RALYL: variants seen among roughly 807,000 people sequenced by gnomAD.
RALYL encodes the protein RNA-binding Raly-like protein.
Under a neutral mutation model 35.1 loss-of-function variants are expected in RALYL, and 29 were observed. The observed-to-expected ratio is 0.83, with a 90% CI of 0.61 to 1.13. The LOEUF (loss-of-function observed/expected upper bound fraction) is 1.13, where lower values mean the gene tolerates loss of function less well. RALYL is among the 50% of genes most tolerant of loss of function. The pLI is 0.00. For missense variants in RALYL, 359 were observed against 360.4 expected, an observed-to-expected ratio of 1.00 and a Z score of 0.03; for synonymous variants, 120 against 127.6, an observed-to-expected ratio of 0.94 and a Z score of 0.40.
chr8:84,723,247 A>G (rs755029450), intron 2 of RALYL, among the ~76,000 whole-genome samples: 1 of 152,000 alleles, frequency 6.6e-6, no homozygotes, highest in Middle Eastern at 3.2e-3. Flanking sequence ...CTGTGAGAAG[A>G]ATTAGTAGGA....
chr8:84,454,076 G>C (rs2049845445), intron 1 of RALYL, among the ~76,000 whole-genome samples: 1 of 151,952 alleles, frequency 6.6e-6, no homozygotes, highest in East Asian at 1.9e-4. Context: ...ATGCATCTTT[G>C]GTATCAAGTC....
At chr8:84,715,735 T>C (rs927207133) in intron 2 of RALYL, among the ~76,000 whole-genome samples, 1 of 152,118 alleles carries the variant, frequency 6.6e-6, no homozygotes, top group African/African-American at 2.4e-5. Context: ...CTAAGTTGTT[T>C]GGCATAACCT....
intron 1 of RALYL, among the ~76,000 whole-genome samples, chr8:84,431,858 G>A (rs1049268993): frequency 6.6e-6 from 1 of 152,110 alleles, no homozygotes; most frequent in Non-Finnish European, 1.5e-5. Flanking sequence ...ACATGGTAGT[G>A]CAGAGATCTC....
At chr8:84,787,909 T>C (rs1231025822) in intron 3 of RALYL, among the ~76,000 whole-genome samples, 1 of 152,238 alleles carries the variant, frequency 6.6e-6, no homozygotes, top group Non-Finnish European at 1.5e-5. Context: ...TTGTAGATTC[T>C]GGATATTAGC....
At chr8:84,806,405 A>C (rs955749997) in intron 4 of RALYL, among the ~76,000 whole-genome samples, 2 of 152,156 alleles carry the variant, frequency 1.3e-5, no homozygotes, top group African/African-American at 4.8e-5. Context: ...GCCTCACTTC[A>C]TGTAGTTTCT....
At chr8:84,738,883 A>AT (rs1847799641) in intron 2 of RALYL, among the ~76,000 whole-genome samples, 1 of 152,034 alleles carries the variant, frequency 6.6e-6, no homozygotes, top group Non-Finnish European at 1.5e-5. Flanking sequence ...AATATCAATT[A>AT]TTTTATCAAC....
intron 2 of RALYL, among the ~76,000 whole-genome samples, chr8:84,559,096 A>AT (rs1025490006): frequency 7.3e-5 from 11 of 151,576 alleles, no homozygotes; most frequent in South Asian, 2.1e-4. Flanking sequence ...TTCCTCTAAC[A>AT]TTTTTTTTAA....
chr8:84,569,030 G>T (rs1807226644), intron 2 of RALYL, among the ~76,000 whole-genome samples: 1 of 148,996 alleles, frequency 6.7e-6, no homozygotes, highest in Admixed American at 6.7e-5. Flanking sequence ...TTCTTTTGCT[G>T]TGCAGAAGCT....
chr8:84,917,660 A>G (rs949830918), intron 8 of RALYL, among the ~76,000 whole-genome samples: 4 of 151,438 alleles, frequency 2.6e-5, no homozygotes, highest in Non-Finnish European at 5.9e-5. Flanking sequence ...CCATCAACTC[A>G]GGAATAGAGA....
chr8:84,347,064 G>A (rs1004301291), intron 1 of RALYL, among the ~76,000 whole-genome samples: 2 of 151,998 alleles, frequency 1.3e-5, no homozygotes, highest in Admixed American at 1.3e-4. Flanking sequence ...AGCCAGGCTT[G>A]GTAACAGGTG....
At chr8:84,766,321 T>C (rs1359860251) in intron 2 of RALYL, among the ~76,000 whole-genome samples, 1 of 152,048 alleles carries the variant, frequency 6.6e-6, no homozygotes, top group Non-Finnish European at 1.5e-5. Context: ...ATCTGTTAAG[T>C]GTAAATAGCC....
At chr8:84,351,450 G>A (rs1375938468) in intron 1 of RALYL, among the ~76,000 whole-genome samples, 2 of 149,292 alleles carry the variant, frequency 1.3e-5, no homozygotes, top group Non-Finnish European at 3.0e-5. Context: ...GAATCCTGTG[G>A]TACAGAGGGA....
chr8:84,306,543 A>C (rs1156841675), intron 1 of RALYL, among the ~76,000 whole-genome samples: 4 of 152,092 alleles, frequency 2.6e-5, no homozygotes, highest in African/African-American at 9.7e-5. Flanking sequence ...CCTCACTTCA[A>C]CTTCAGGAAA....
intron 1 of RALYL, among the ~76,000 whole-genome samples, chr8:84,215,660 A>C (rs1051624323): frequency 6.6e-6 from 1 of 152,044 alleles, no homozygotes; most frequent in African/African-American, 2.4e-5. Context: ...TCATATTAAC[A>C]GTAGCTTGTT....
intron 1 of RALYL, among the ~76,000 whole-genome samples, chr8:84,201,796 A>G (rs57697728): frequency 0.33 from 50,252 of 151,704 alleles, 8,590 homozygotes; most frequent in Middle Eastern, 0.44. Flanking sequence ...CGAACTCCTG[A>G]CCTCAAGCGA....
At chr8:84,844,202 T>G (rs1159210243) in intron 4 of RALYL, among the ~76,000 whole-genome samples, 2 of 151,848 alleles carry the variant, frequency 1.3e-5, no homozygotes, top group South Asian at 4.2e-4. Flanking sequence ...TGGGAGAAAA[T>G]TTTTGCAACC....
intron 2 of RALYL, among the ~76,000 whole-genome samples, chr8:84,768,241 G>C (rs906795043): frequency 1.3e-5 from 2 of 152,096 alleles, no homozygotes; most frequent in Non-Finnish European, 2.9e-5. Context: ...TGTGTGTCTG[G>C]TCCCTTCAAG....
chr8:84,871,744 G>A (rs756607038), intron 6 of RALYL, among the ~76,000 whole-genome samples: 5 of 151,958 alleles, frequency 3.3e-5, no homozygotes, highest in Non-Finnish European at 7.4e-5. Flanking sequence ...AAACTACTTT[G>A]CATTGTAAAT....
At chr8:84,421,151 T>C (rs2045520702) in intron 1 of RALYL, among the ~76,000 whole-genome samples, 1 of 125,780 alleles carries the variant, frequency 8.0e-6, no homozygotes, top group African/African-American at 3.4e-5. Flanking sequence ...ATGGCCATTT[T>C]CACGATATTG....
Sources: gnomAD v4.1 joint callset for allele counts (sites outside exome capture counted in the v4.1 genomes callset) on GRCh38, gnomAD v4.1.1 for gene constraint, MANE v1.5 for transcripts, NCBI Gene and HGNC (gene_info 2026-07-23, HGNC 2026-07-21) for gene names.